The following DCC variants were observed in gnomAD, a reference collection of about 807,000 sequenced individuals.
The protein encoded by DCC is netrin receptor DCC.
In DCC, 58 loss-of-function variants were observed where a neutral mutation model predicts 172.5. The observed-to-expected ratio is 0.34, with a 90% CI of 0.27 to 0.42. DCC has a LOEUF of 0.42. Among genes scored for constraint, DCC ranks in the 10% least tolerant of loss-of-function variants. DCC has a pLI of 1.00. For synonymous variants in DCC, 709 were observed against 644.5 expected (o/e 1.10, Z -1.52); for missense variants, 1,740 against 1,791.0 (o/e 0.97, Z 0.51).
At chr18:53,066,649 CTATAAA>C (rs2042575312) in intron 7 of DCC, among the ~76,000 whole-genome samples, 1 of 151,378 alleles carries the variant, frequency 6.6e-6, no homozygotes, top group Non-Finnish European at 1.5e-5. Flanking sequence ...ACACACATAT[CTATAAA>C]TATATATACA....
At chr18:53,357,342 T>G (rs918017158) in intron 15 of DCC, among the ~76,000 whole-genome samples, 3 of 152,122 alleles carry the variant, frequency 2.0e-5, no homozygotes, top group Non-Finnish European at 4.4e-5. Flanking sequence ...ACTCCCAGAG[T>G]GCATTCTAAG....
At chr18:52,664,476 C>CTTTTTTTTTT in intron 1 of DCC, among the ~76,000 whole-genome samples, 1 of 112,442 alleles carries the variant, frequency 8.9e-6, no homozygotes, top group Non-Finnish European at 1.7e-5. Flanking sequence ...TTTTCTTTTT[C>CTTTTTTTTTT]TTTTTTTTTT....
intron 24 of DCC, among the ~76,000 whole-genome samples, chr18:53,464,743 G>A (rs2045598408): frequency 6.6e-6 from 1 of 151,898 alleles, no homozygotes; most frequent in South Asian, 2.1e-4. Flanking sequence ...CACTTTGGGA[G>A]GCCGAGGTGT....
At chr18:53,105,846 C>G (rs1315645328) in intron 7 of DCC, among the ~76,000 whole-genome samples, 1 of 151,636 alleles carries the variant, frequency 6.6e-6, no homozygotes, top group Non-Finnish European at 1.5e-5. Context: ...TCATGCCTGC[C>G]TGGAAGAATC....
intron 2 of DCC, among the ~76,000 whole-genome samples, chr18:52,879,615 A>G (rs761245133): frequency 9.2e-5 from 14 of 151,762 alleles, no homozygotes; most frequent in Admixed American, 2.6e-4. Context: ...TACTTTTAGT[A>G]GAGACGGGAT....
intron 12 of DCC, among the ~76,000 whole-genome samples, chr18:53,225,884 C>T (rs1261141877): frequency 2.6e-5 from 4 of 151,804 alleles, no homozygotes; most frequent in Non-Finnish European, 2.9e-5. Context: ...CAGGGAAGAA[C>T]GGGTCAGGGG....
rs7506665 is a variant in DCC, at chr18:53,023,250, T to C, written c.986-40055T>C. 9.7e-3 allele frequency among the ~76,000 whole-genome samples: 1,475 copies of C among 151,602 alleles called. 53 individuals are homozygous for C. Among genetic ancestry groups the C allele is most frequent in the Admixed American group, 0.059 (901 of 15,172 alleles). On this transcript the variant is annotated intron_variant, in intron 5 of 28. Transcript: ENST00000442544. Reference sequence around the variant, plus strand: ...TAATTTCAAGATTCTTCTAAGAATATACAGTTTTGTGACAAGGTTGACCTT... The same window carrying C: ...TAATTTCAAGATTCTTCTAAGAATACACAGTTTTGTGACAAGGTTGACCTT...
chr18:52,991,220 C>T (rs992837197), intron 5 of DCC, among the ~76,000 whole-genome samples: 1 of 152,280 alleles, frequency 6.6e-6, no homozygotes, highest in African/African-American at 2.4e-5. Context: ...TTTAAACTCA[C>T]AATCATGCAA....
intron 23 of DCC, among the ~76,000 whole-genome samples, chr18:53,456,602 A>AT (rs772716567): frequency 1.2e-4 from 18 of 152,224 alleles, no homozygotes; most frequent in Non-Finnish European, 4.4e-5. Flanking sequence ...GAGTGTTAAA[A>AT]GACAGACTGC....
At chr18:53,360,345 T>C (rs1363467925) in intron 15 of DCC, among the ~76,000 whole-genome samples, 1 of 152,168 alleles carries the variant, frequency 6.6e-6, no homozygotes, top group Non-Finnish European at 1.5e-5. Context: ...ATCAGATAGA[T>C]TATTCATATG....
intron 3 of DCC, among the ~76,000 whole-genome samples, chr18:52,920,503 G>C (rs553830076): frequency 6.6e-6 from 1 of 151,864 alleles, no homozygotes; most frequent in Non-Finnish European, 1.5e-5. Flanking sequence ...ACCATTACAC[G>C]TGTATTAGAA....
intron 2 of DCC, among the ~76,000 whole-genome samples, chr18:52,843,098 A>G (rs1461759590): frequency 6.6e-6 from 1 of 152,186 alleles, no homozygotes; most frequent in African/African-American, 2.4e-5. Flanking sequence ...CTGTATGGAT[A>G]GTAAGATTTA....
intron 14 of DCC, among the ~76,000 whole-genome samples, chr18:53,337,154 T>C (rs1568065038): frequency 6.6e-6 from 1 of 152,216 alleles, no homozygotes; most frequent in Non-Finnish European, 1.5e-5. Flanking sequence ...TGCAGAAATA[T>C]TAAGAAATAG....
chr18:52,450,645 G>A (rs1048164173), intron 1 of DCC, among the ~76,000 whole-genome samples: 3 of 152,152 alleles, frequency 2.0e-5, no homozygotes, highest in East Asian at 1.9e-4. Context: ...AGTATTTGGA[G>A]TATAATACAA....
intron 5 of DCC, among the ~76,000 whole-genome samples, chr18:52,945,440 C>A (rs575386762): frequency 7.9e-5 from 12 of 152,324 alleles, no homozygotes; most frequent in African/African-American, 2.6e-4. Flanking sequence ...AATAAATATG[C>A]TATCTGGCAT....
intron 23 of DCC, among the ~76,000 whole-genome samples, 172 bp from the exon 24 acceptor site, chr18:53,459,060 G>A (rs541825217): frequency 3.3e-5 from 5 of 152,180 alleles, no homozygotes; most frequent in African/African-American, 4.8e-5. Context: ...GAAGCTCCAG[G>A]GGGGAAGAGG....
chr18:52,881,962 T>G (rs2039492654), intron 2 of DCC, among the ~76,000 whole-genome samples: 1 of 152,080 alleles, frequency 6.6e-6, no homozygotes, highest in Non-Finnish European at 1.5e-5. Context: ...TTTGTATGTC[T>G]TCTTTAATTT....
intron 1 of DCC, among the ~76,000 whole-genome samples, chr18:52,577,410 A>G (rs537215515): frequency 1.9e-4 from 29 of 152,330 alleles, no homozygotes; most frequent in African/African-American, 7.0e-4. Flanking sequence ...CATTGGATGA[A>G]CAGAATTATT....
intron 7 of DCC, 144 bp from the exon 8 acceptor site, chr18:53,157,212 T>A (rs2054752606): frequency 2.1e-6 from 2 of 939,162 alleles, no homozygotes; most frequent in African/African-American, 3.2e-5. Flanking sequence ...ATTTACTGTG[T>A]GCATTCCCTT....
Sources: allele counts gnomAD v4.1 joint callset (sites outside exome capture counted in the v4.1 genomes callset), GRCh38; gene constraint gnomAD v4.1.1; transcripts MANE v1.5; gene names NCBI Gene and HGNC (gene_info 2026-07-23, HGNC 2026-07-21).